Variants in ERBB4 observed in about 807,000 individuals in gnomAD.
The protein encoded by ERBB4 is receptor tyrosine-protein kinase erbB-4.
ERBB4 carries 42 observed loss-of-function variants against 158.0 expected under a neutral mutation model. That is an observed-to-expected ratio of 0.27 (90% CI 0.21 to 0.34). ERBB4 has a LOEUF of 0.34. Among genes scored for constraint, ERBB4 ranks in the 10% least tolerant of loss-of-function variants. The probability of loss-of-function intolerance (pLI) is 1.00; values close to 1 mark genes in which losing one functional copy is unlikely to be tolerated. For synonymous variants in ERBB4, 583 were observed against 558.7 expected, an observed-to-expected ratio of 1.04 and a Z score of -0.61; for missense variants, 1,333 against 1,624.1, an observed-to-expected ratio of 0.82 and a Z score of 3.08.
chr2:212,135,500 TTTA>T (rs1487280321), intron 1 of ERBB4, among the ~76,000 whole-genome samples: 2 of 152,202 alleles, frequency 1.3e-5, no homozygotes, highest in Non-Finnish European at 1.5e-5. Flanking sequence ...ATATTCTGTC[TTTA>T]TTGTTTCCCT....
chr2:212,282,197 G>A (rs904105692), intron 1 of ERBB4, among the ~76,000 whole-genome samples: 1 of 151,726 alleles, frequency 6.6e-6, no homozygotes, highest in Non-Finnish European at 1.5e-5. Context: ...AGATTAACCT[G>A]GCAGGCACCA....
At chr2:211,897,440 CAAAA>C (rs199740793) in intron 3 of ERBB4, among the ~76,000 whole-genome samples, 1 of 101,148 alleles carries the variant, frequency 9.9e-6, no homozygotes, top group Non-Finnish European at 2.2e-5. Context: ...GTATAATTTG[CAAAA>C]AAAAAAAAAA....
At chr2:211,797,353 C>T (rs2076403374) in intron 3 of ERBB4, among the ~76,000 whole-genome samples, 1 of 151,914 alleles carries the variant, frequency 6.6e-6, no homozygotes, top group African/African-American at 2.4e-5. Context: ...TGCAAGGTCA[C>T]TTTCAAATAT....
At chr2:212,383,496 T>C (rs769637742) in intron 1 of ERBB4, among the ~76,000 whole-genome samples, 2 of 151,662 alleles carry the variant, frequency 1.3e-5, no homozygotes, top group Non-Finnish European at 3.0e-5. Flanking sequence ...TATTGACTAG[T>C]AAATCTTTTA....
chr2:212,044,259 TA>T (rs1430992787), intron 2 of ERBB4, among the ~76,000 whole-genome samples: 2 of 152,122 alleles, frequency 1.3e-5, no homozygotes, highest in African/African-American at 4.8e-5. Context: ...CAAGCATATA[TA>T]AAAGTTACAC....
rs1301878895 is a variant in ERBB4 at position 212,519,656 on chromosome 2, G to A, written c.82+18793C>T. 4.0e-5 allele frequency among the ~76,000 whole-genome samples: 6 copies of A among 151,692 alleles called. No individual in the cohort carries two copies. The East Asian group carries it at 5.8e-4, about 15-fold the overall frequency. On this transcript the variant is annotated intron_variant, in intron 1 of 27. Transcript: ENST00000342788. ...TTGGGGCAACCTGGGTGAATCTGTC[G>A]GACATTACGTTAAGAGAAATAACTT...
intron 3 of ERBB4, among the ~76,000 whole-genome samples, chr2:211,841,613 T>C (rs2077472666): frequency 6.6e-6 from 1 of 152,006 alleles, no homozygotes; most frequent in South Asian, 2.1e-4. Flanking sequence ...ACATTTCATA[T>C]ATTATTTTAT....
intron 3 of ERBB4, among the ~76,000 whole-genome samples, chr2:211,843,518 G>C (rs2077521979): frequency 6.6e-6 from 1 of 151,938 alleles, no homozygotes; most frequent in African/African-American, 2.4e-5. Context: ...TATTTTAAAA[G>C]TCCTCTTGCC....
intron 12 of ERBB4, among the ~76,000 whole-genome samples, chr2:211,697,233 C>A (rs1337928468): frequency 6.6e-6 from 1 of 151,984 alleles, no homozygotes; most frequent in Non-Finnish European, 1.5e-5. Flanking sequence ...AGCTGATCAG[C>A]TAAAGTCAAA....
Position 211,413,309 on chromosome 2 carries a change from A to AAAAAAAAAAAAAAAAAAAC in ERBB4, c.3135+7131_3135+7132insGTTTTTTTTTTTTTTTTTT, listed in dbSNP as rs1553524037. On this transcript the variant is annotated intron_variant, in intron 25 of 27. Coordinates refer to ENST00000342788, the MANE Select transcript of ERBB4 (RefSeq NM_005235.3). ...GGACAGAGAGAGACCCTGTCTTAAA[A>AAAAAAAAAAAAAAAAAAAC]ACACACACACACACACACACACACA... 4.1e-3 allele frequency among the ~76,000 whole-genome samples: 390 copies of AAAAAAAAAAAAAAAAAAAC among 94,512 alleles called. 35 individuals are homozygous for AAAAAAAAAAAAAAAAAAAC. The highest frequency in any genetic ancestry group is 6.5e-3 in the Non-Finnish European group (275 of 42,580). The allele number at this position is 94,512 out of a possible 152,430, so 62.0% of individuals were successfully genotyped here.
chr2:212,226,995 T>C (rs1472716371), intron 1 of ERBB4, among the ~76,000 whole-genome samples: 1 of 152,122 alleles, frequency 6.6e-6, no homozygotes, highest in Non-Finnish European at 1.5e-5. Context: ...CCTGTAATCC[T>C]AGCACTCTAG....
intron 1 of ERBB4, among the ~76,000 whole-genome samples, chr2:212,194,307 C>CAT (rs2105886562): frequency 6.6e-6 from 1 of 151,814 alleles, no homozygotes; most frequent in East Asian, 1.9e-4. Flanking sequence ...CACACACACA[C>CAT]ACACACACAC....
chr2:211,674,363 A>C (rs1297943442), intron 13 of ERBB4, among the ~76,000 whole-genome samples: 1 of 152,074 alleles, frequency 6.6e-6, no homozygotes, highest in Non-Finnish European at 1.5e-5. Context: ...GAATACTGTA[A>C]AGCCTTAATA....
intron 2 of ERBB4, among the ~76,000 whole-genome samples, chr2:212,022,972 C>A (rs914156755): frequency 1.3e-5 from 2 of 152,084 alleles, no homozygotes; most frequent in Non-Finnish European, 2.9e-5. Context: ...AGGGCAGGTA[C>A]ATTGCAGAGG....
chr2:212,139,931 C>A (rs983663108), intron 1 of ERBB4, among the ~76,000 whole-genome samples: 3 of 151,796 alleles, frequency 2.0e-5, no homozygotes, highest in East Asian at 3.9e-4. Context: ...AAATAAGTAT[C>A]TTTTTTATTA....
At chr2:212,441,442 A>G (rs974141472) in intron 1 of ERBB4, among the ~76,000 whole-genome samples, 19 of 152,202 alleles carry the variant, frequency 1.2e-4, no homozygotes, top group Non-Finnish European at 1.5e-5. Flanking sequence ...TTCTAGACCT[A>G]TAACTAGACT....
At chr2:212,136,526 A>C (rs1484170698) in intron 1 of ERBB4, among the ~76,000 whole-genome samples, 1 of 152,184 alleles carries the variant, frequency 6.6e-6, no homozygotes, top group Non-Finnish European at 1.5e-5. Context: ...CCTTCATGCA[A>C]ATGCACTAGG....
chr2:212,078,059 G>A (rs2078325959), intron 2 of ERBB4, among the ~76,000 whole-genome samples: 1 of 151,734 alleles, frequency 6.6e-6, no homozygotes, highest in East Asian at 1.9e-4. Context: ...AGATTCTCTT[G>A]GTAATTAGAC....
chr2:211,589,711 A>G (rs1461024685), intron 19 of ERBB4, among the ~76,000 whole-genome samples: 1 of 152,218 alleles, frequency 6.6e-6, no homozygotes, highest in Admixed American at 6.5e-5. Flanking sequence ...TGAAAAATCT[A>G]TTTAGAAGTA....
Sources: allele counts gnomAD v4.1 joint callset (sites outside exome capture counted in the v4.1 genomes callset), GRCh38; gene constraint gnomAD v4.1.1; transcripts MANE v1.5; gene names NCBI Gene and HGNC (gene_info 2026-07-23, HGNC 2026-07-21).